GPM6A: variants seen among roughly 807,000 people sequenced by gnomAD.
GPM6A encodes the protein neuronal membrane glycoprotein M6-a.
GPM6A carries 7 observed loss-of-function variants against 32.1 expected under a neutral mutation model. That is an observed-to-expected ratio of 0.22 (90% confidence interval 0.12 to 0.41). The LOEUF (loss-of-function observed/expected upper bound fraction) is 0.41, where lower values mean the gene tolerates loss of function less well. Among genes scored for constraint, GPM6A ranks in the 10% least tolerant of loss-of-function variants. GPM6A has a pLI of 1.00. For synonymous variants in GPM6A, 130 were observed against 123.4 expected, an observed-to-expected ratio of 1.05 and a Z score of -0.35; for missense variants, 235 against 347.2, an observed-to-expected ratio of 0.68 and a Z score of 2.57.
At chr4:175,871,484 T>G (rs891362027) in intron 1 of GPM6A, among the ~76,000 whole-genome samples, 2 of 151,972 alleles carry the variant, frequency 1.3e-5, no homozygotes, top group Non-Finnish European at 2.9e-5. Context: ...AAAATAAAAA[T>G]AAAGAAAGAA....
chr4:175,879,239 T>C (rs1737187541), intron 1 of GPM6A, among the ~76,000 whole-genome samples: 1 of 152,210 alleles, frequency 6.6e-6, no homozygotes, highest in Admixed American at 6.5e-5. Context: ...CACTTCAAAC[T>C]GTTCCAACCT....
intron 1 of GPM6A, chr4:175,961,986 C>T (rs1170262701): frequency 5.6e-6 from 3 of 538,076 alleles, no homozygotes; most frequent in Admixed American, 5.4e-5. Flanking sequence ...CAATAGGGCT[C>T]TTGTATATTA....
chr4:175,899,326 CT>C (rs1737884162), intron 1 of GPM6A, among the ~76,000 whole-genome samples: 1 of 151,986 alleles, frequency 6.6e-6, no homozygotes, highest in South Asian at 2.1e-4. Context: ...TGAAAAAAGC[CT>C]TTGAAGAGGC....
chr4:175,909,045 G>GGC lies in GPM6A; in HGVS notation c.-23+93263_-23+93264insGC, dbSNP rs558267950. 1.4e-4 allele frequency among the ~76,000 whole-genome samples: 13 copies of GGC among 93,540 alleles called. 2 individuals carry two copies. In the South Asian group the frequency reaches 2.6e-3, roughly 19 times the overall value. 61.4% of individuals were successfully genotyped at this position (93,540 alleles called of 152,430 possible). ...GAGGCAGACAAAAAAAAAAGGGCGG[G>GGC]GGGGGGGCAACTAGCTCATAACCAA... On this transcript the variant is annotated intron_variant, in intron 1 of 7. Coordinates refer to the GPM6A transcript ENST00000280187.
At chr4:175,647,662 C>G (rs184009474) in intron 4 of GPM6A, among the ~76,000 whole-genome samples, 1 of 152,116 alleles carries the variant, frequency 6.6e-6, no homozygotes, top group African/African-American at 2.4e-5. Context: ...TAAAAGATAG[C>G]GTCTATATAC....
At chr4:175,924,491 A>G (rs1408248888) in intron 1 of GPM6A, among the ~76,000 whole-genome samples, 1 of 152,176 alleles carries the variant, frequency 6.6e-6, no homozygotes, top group African/African-American at 2.4e-5. Context: ...GGTGAGGTGT[A>G]TATGAAATAT....
chr4:175,673,867 A>G, intron 2 of GPM6A, 31 bp from the exon 3 acceptor site: 1 of 1,480,444 alleles, frequency 6.8e-7, no homozygotes, highest in Non-Finnish European at 9.4e-7. Flanking sequence ...ATTTATTTCA[A>G]TAACTTTTCA....
At chr4:175,827,784 G>A (rs7679990) in intron 1 of GPM6A, among the ~76,000 whole-genome samples, 21,990 of 152,100 alleles carry the variant, frequency 0.14, 2,262 homozygotes, top group African/African-American at 0.3. Context: ...CGTAAATGAG[G>A]AAAAGAATAC....
Position 175,852,658 on chromosome 4 carries a change from G to T in GPM6A, c.-22-40409C>A, listed in dbSNP as rs191594474. ...TTGGCCTTATTTTTAAAAACAAAAG[G>T]AATGGGGTTTGGAAAATAATTTCAG... On this transcript the variant is annotated intron_variant, in intron 1 of 7. Coordinates refer to the GPM6A transcript ENST00000280187. 2.8e-4 allele frequency among the ~76,000 whole-genome samples: 42 copies of T among 152,192 alleles called. 1 individual carries two copies. The highest frequency in any genetic ancestry group is 2.7e-3 in the Admixed American group (41 of 15,280).
At chr4:175,943,427 G>C (rs1266607744) in intron 1 of GPM6A, among the ~76,000 whole-genome samples, 1 of 152,188 alleles carries the variant, frequency 6.6e-6, no homozygotes, top group East Asian at 1.9e-4. Flanking sequence ...TTGAATAGGA[G>C]TGGTGTGAGA....
chr4:175,842,374 T>C (rs1275742337), intron 1 of GPM6A, among the ~76,000 whole-genome samples: 1 of 152,144 alleles, frequency 6.6e-6, no homozygotes, highest in Non-Finnish European at 1.5e-5. Context: ...CAGATACTGT[T>C]ATCAGTTTTT....
At chr4:175,890,210 C>T (rs1184505419) in intron 1 of GPM6A, among the ~76,000 whole-genome samples, 4 of 152,164 alleles carry the variant, frequency 2.6e-5, no homozygotes, top group African/African-American at 9.6e-5. Flanking sequence ...AAAGTAAAAA[C>T]TTATACAATC....
chr4:175,962,381 C>T (rs575939328), intron 1 of GPM6A: 2 of 746,796 alleles, frequency 2.7e-6, no homozygotes, highest in Non-Finnish European at 5.0e-6. Context: ...TGCTGAGAGA[C>T]CACTCCACCC....
chr4:175,808,319 T>C (rs1337002641), intron 1 of GPM6A, among the ~76,000 whole-genome samples: 1 of 152,194 alleles, frequency 6.6e-6, no homozygotes, highest in Non-Finnish European at 1.5e-5. Flanking sequence ...TATGTGTGTA[T>C]AAATGTATAA....
intron 3 of GPM6A, among the ~76,000 whole-genome samples, chr4:175,652,666 A>G (rs1046789025): frequency 6.6e-6 from 1 of 152,096 alleles, no homozygotes; most frequent in Non-Finnish European, 1.5e-5. Context: ...TATAAAGTGT[A>G]TACAAGGTGT....
chr4:175,872,193 C>T (rs4690416), intron 1 of GPM6A, among the ~76,000 whole-genome samples: 51,654 of 152,054 alleles, frequency 0.34, 8,750 homozygotes, highest in African/African-American at 0.37. Flanking sequence ...CAGAGGTCTA[C>T]ATTTGTCAGG....
chr4:175,706,243 G>A (rs184039109), intron 1 of GPM6A, among the ~76,000 whole-genome samples: 1 of 152,140 alleles, frequency 6.6e-6, no homozygotes, highest in Admixed American at 6.5e-5. Context: ...AATAGAAGCT[G>A]TGAAGATATG....
intron 2 of GPM6A, among the ~76,000 whole-genome samples, chr4:175,696,460 TA>T (rs1338459494): frequency 3.3e-5 from 5 of 152,182 alleles, no homozygotes; most frequent in African/African-American, 1.2e-4. Context: ...TTGAGGTTTT[TA>T]AAAACACCCA....
chr4:175,794,008 T>C (rs753862077), intron 1 of GPM6A, among the ~76,000 whole-genome samples: 11 of 151,802 alleles, frequency 7.2e-5, no homozygotes, highest in Non-Finnish European at 1.2e-4. Flanking sequence ...TTCATTTTAC[T>C]TTTTAACCTT....
Sources: allele counts gnomAD v4.1 joint callset (sites outside exome capture counted in the v4.1 genomes callset), GRCh38; gene constraint gnomAD v4.1.1; transcripts MANE v1.5; gene names NCBI Gene and HGNC (gene_info 2026-07-23, HGNC 2026-07-21).